IRAK1BP1: variants seen among roughly 807,000 people sequenced by gnomAD.
The protein encoded by IRAK1BP1 is interleukin-1 receptor-associated kinase 1-binding protein 1.
IRAK1BP1 carries 24 observed loss-of-function variants against 28.0 expected under a neutral mutation model. The ratio of observed to expected loss-of-function variants is 0.86; its 90% CI spans 0.62 to 1.20. IRAK1BP1 has a LOEUF of 1.20. Among genes scored for constraint, IRAK1BP1 ranks in the 50% most tolerant of loss-of-function variants. The probability of loss-of-function intolerance (pLI) is 0.00; values close to 1 mark genes in which losing one functional copy is unlikely to be tolerated. For missense variants in IRAK1BP1, 336 were observed against 316.7 expected, an observed-to-expected ratio of 1.06 and a Z score of -0.46; for synonymous variants, 131 against 116.3, an observed-to-expected ratio of 1.13 and a Z score of -0.81.
At chr6:78,949,171 C>G (rs1240107036), downstream of IRAK1BP1, among the ~76,000 whole-genome samples, 1 of 152,004 alleles carries the variant, frequency 6.6e-6, no homozygotes. Context: ...TTCCTTTGTT[C>G]CCGGTTTTCT....
intron 4 of IRAK1BP1, among the ~76,000 whole-genome samples, chr6:78,926,036 GGATGGA>G (rs1192259500): frequency 2.0e-5 from 3 of 152,052 alleles, no homozygotes; most frequent in Non-Finnish European, 2.9e-5. Flanking sequence ...ACCTACTGAA[GGATGGA>G]GGGTGGGAGG....
the IRAK1BP1 span, among the ~76,000 whole-genome samples, chr6:78,964,224 A>T: frequency 6.0e-5 from 9 of 149,518 alleles, no homozygotes; most frequent in African/African-American, 1.0e-4. Flanking sequence ...GCAGTGAGAT[A>T]AAAAAAAATA....
intron 4 of IRAK1BP1, chr6:78,945,256 A>T: frequency 7.4e-7 from 1 of 1,347,878 alleles, no homozygotes; most frequent in African/African-American, 1.4e-5. Context: ...CATTATTTAT[A>T]ATAAGGATCT....
At chr6:78,975,871 AAG>A in the IRAK1BP1 span, among the ~76,000 whole-genome samples, 1 of 149,552 alleles carries the variant, frequency 6.7e-6, no homozygotes, top group Admixed American at 6.6e-5. Context: ...AAGGAAATAA[AAG>A]AGGATACAAA....
chr6:78,872,615 G>A (rs1241425017), intron 1 of IRAK1BP1, among the ~76,000 whole-genome samples: 1 of 152,176 alleles, frequency 6.6e-6, no homozygotes, highest in Non-Finnish European at 1.5e-5. Flanking sequence ...TCCTTTGAGT[G>A]TCATGTTGGC....
chr6:78,977,580 T>C, the IRAK1BP1 span, among the ~76,000 whole-genome samples: 3 of 116,392 alleles, frequency 2.6e-5, no homozygotes, highest in East Asian at 1.1e-3. Flanking sequence ...TAGTGCTGAA[T>C]AATGAAGACC....
intron 2 of IRAK1BP1, among the ~76,000 whole-genome samples, chr6:78,894,756 A>C (rs995513000): frequency 6.6e-6 from 1 of 152,138 alleles, no homozygotes; most frequent in African/African-American, 2.4e-5. Flanking sequence ...ACAGCAGCCT[A>C]CACATTCCTT....
intron 4 of IRAK1BP1, chr6:78,939,033 AC>A (rs1773371283): frequency 6.6e-6 from 1 of 151,752 alleles, no homozygotes; most frequent in South Asian, 2.1e-4. Context: ...AATTTTGATT[AC>A]ATTTTTGTAC....
At chr6:78,945,352 A>C in intron 4 of IRAK1BP1, 1 of 1,613,832 alleles carries the variant, frequency 6.2e-7, no homozygotes, top group Middle Eastern at 1.7e-4. Context: ...TTGGGAGTAC[A>C]GATGACTTCA....
the IRAK1BP1 span, among the ~76,000 whole-genome samples, chr6:78,971,804 T>C: frequency 2.5e-4 from 38 of 152,172 alleles, no homozygotes; most frequent in Non-Finnish European, 4.7e-4. Context: ...CCCACCCGAA[T>C]ACTGCGCTTT....
At chr6:78,946,027 T>C (rs1365972018) in exon 5 of IRAK1BP1, 1 of 1,609,606 alleles carries the variant, frequency 6.2e-7, no homozygotes, top group East Asian at 2.2e-5. Flanking sequence ...TGCAGATGCA[T>C]TAGCTTTTGT....
intron 4 of IRAK1BP1, among the ~76,000 whole-genome samples, chr6:78,934,837 A>ATTAC (rs1773207075): frequency 6.6e-6 from 1 of 152,190 alleles, no homozygotes; most frequent in South Asian, 2.1e-4. Context: ...CCCATTTCCC[A>ATTAC]ACTCCAGGCC....
In IRAK1BP1 at chr6:78,898,411, A is replaced by T. The variant is rs867820483; in HGVS notation, c.*77A>T. On this transcript the variant is annotated 3_prime_UTR_variant, in exon 4 of 4. Transcript: ENST00000369940. ...TTTTATAATGTTTACGTTTGTCCTG[A>T]ATATATATATATATATATATATATA... 2.4e-5 allele frequency: 2 copies of T among 84,066 alleles called. No homozygotes were observed. Among genetic ancestry groups the T allele is most frequent in the South Asian group, 4.1e-4 (2 of 4,876 alleles). 5.2% of individuals were successfully genotyped at this position (84,066 alleles called of 1,614,324 possible).
chr6:78,921,121 C>A (rs117304710), intron 4 of IRAK1BP1, among the ~76,000 whole-genome samples: 49 of 152,258 alleles, frequency 3.2e-4, no homozygotes, highest in Non-Finnish European at 5.9e-4. Context: ...CCGAGCAGGG[C>A]GAGGCATTGC....
At chr6:78,958,605 A>G in the IRAK1BP1 span, 1 of 1,531,734 alleles carries the variant, frequency 6.5e-7, no homozygotes, top group Non-Finnish European at 9.0e-7. Context: ...ACCCGCCTTA[A>G]AAAAACAAAA....
intron 2 of IRAK1BP1, among the ~76,000 whole-genome samples, chr6:78,885,903 A>G (rs1771415942): frequency 1.3e-5 from 2 of 152,192 alleles, no homozygotes; most frequent in Admixed American, 6.5e-5. Flanking sequence ...TATTTTCAGT[A>G]CACTCAGTTA....
intron 4 of IRAK1BP1, among the ~76,000 whole-genome samples, chr6:78,921,735 G>A (rs890924997): frequency 1.3e-5 from 2 of 152,176 alleles, no homozygotes; most frequent in Non-Finnish European, 2.9e-5. Flanking sequence ...ACTTCCAGAG[G>A]AACGATCAGG....
At position 78,916,876 on chromosome 6, in the gene IRAK1BP1, G is replaced by A. The variant is rs189525763; in HGVS notation, c.*67+13766G>A. ...GGAGAATTGCTTGAACCCAGGAAGT[G>A]GAGGTTGCAGTGAGACAGGAATGTG... On this transcript the variant is annotated intron_variant and NMD_transcript_variant, in intron 4 of 4. Coordinates refer to the IRAK1BP1 transcript ENST00000606868. 3.1e-3 allele frequency among the ~76,000 whole-genome samples: 474 copies of A among 152,126 alleles called. 2 individuals are homozygous for A. Among genetic ancestry groups the A allele is most frequent in the African/African-American group, 0.011 (440 of 41,512 alleles).
chr6:78,872,411 A>G (rs2127665107), intron 1 of IRAK1BP1, among the ~76,000 whole-genome samples: 1 of 152,352 alleles, frequency 6.6e-6, no homozygotes, highest in East Asian at 1.9e-4. Context: ...ATTATTAAAA[A>G]TGGTCACAAC....
Sources: allele counts gnomAD v4.1 joint callset (sites outside exome capture counted in the v4.1 genomes callset), GRCh38; gene constraint gnomAD v4.1.1; transcripts MANE v1.5; gene names NCBI Gene and HGNC (gene_info 2026-07-23, HGNC 2026-07-21).